Variants in PES1 observed in about 807,000 individuals in gnomAD.
The protein encoded by PES1 is pescadillo ribosomal biogenesis factor 1.
Under a neutral mutation model 77.1 loss-of-function variants are expected in PES1, and 31 were observed. That is an observed-to-expected ratio of 0.40 (90% CI 0.30 to 0.54). The LOEUF is 0.54. Ranked by LOEUF, PES1 falls within the 20% of genes least tolerant of loss-of-function variation. The pLI, the probability that PES1 is intolerant of heterozygous loss-of-function variation, is 0.45. For synonymous variants in PES1, 282 were observed against 303.0 expected, an observed-to-expected ratio of 0.93 and a Z score of 0.72; for missense variants, 658 against 771.7, an observed-to-expected ratio of 0.85 and a Z score of 1.75.
At chr22:30,579,668 C>T (rs1254676930) in intron 12 of PES1, 83 bp downstream of exon 12, 22 of 1,383,982 alleles carry the variant, frequency 1.6e-5, no homozygotes, top group Non-Finnish European at 2.0e-5. Context: ...TGCCTGTTCC[C>T]TGGAGCTTTC....
rs1460431200 is a variant in PES1, at chr22:30,577,032, G to A, written c.*14C>T. The stretch of plus-strand genomic sequence containing the variant: ...CTAGGGGCTGGCCTCAGCCCTGTGA[G>A]GGGCCGCAGGCACTCACTCCGGCCT... On this transcript the variant is annotated 3_prime_UTR_variant, in exon 15 of 15. Transcript: ENST00000354694. The A allele has an allele frequency of 6.2e-7, 1 of 1,609,192 alleles. No individual in the cohort carries two copies. The highest frequency in any genetic ancestry group is 1.1e-5 in the South Asian group (1 of 90,998).
chr22:30,603,485 A>G (rs376773847), intron 2 of PES1, among the ~76,000 whole-genome samples: 1 of 151,950 alleles, frequency 6.6e-6, no homozygotes, highest in African/African-American at 2.4e-5. Context: ...AGGTTCAAGC[A>G]ATTCTCCCGC....
intron 1 of PES1, 46 bp downstream of exon 1, chr22:30,591,764 C>T (rs774027620): frequency 1.8e-5 from 28 of 1,547,044 alleles, no homozygotes; most frequent in Middle Eastern, 1.7e-4. Context: ...GCTCTGCCGC[C>T]CCCGCACCCC....
chr22:30,589,358 A>G, intron 1 of PES1, 88 bp from the exon 2 acceptor site: 2 of 1,072,680 alleles, frequency 1.9e-6, no homozygotes, highest in Non-Finnish European at 2.8e-6. Context: ...AGAGGCAACT[A>G]TCACTCTGGA....
At chr22:30,578,528 C>T (rs1038252961) in intron 14 of PES1, among the ~76,000 whole-genome samples, 1 of 152,196 alleles carries the variant, frequency 6.6e-6, no homozygotes, top group Non-Finnish European at 1.5e-5. Flanking sequence ...CTCCCCCCCG[C>T]CACCCCCGCC....
intron 2 of PES1, among the ~76,000 whole-genome samples, chr22:30,598,008 C>T (rs986787654): frequency 7.9e-5 from 12 of 151,116 alleles, no homozygotes; most frequent in African/African-American, 1.5e-4. Flanking sequence ...CTCAGCCTCC[C>T]AAGTAGCTGG....
Position 30,578,887 on chromosome 22 carries a change from T to C in PES1, c.1633A>G (p.Lys545Glu), listed in dbSNP as rs1406261915. ...LAIMMMKKRE[K>E]YLYQKIMFGK... ...AACATGATCTTCTGGTACAGGTACT[T>C]CTCCCGCTTCTTCATCATCATAATG... Residue 545 changes from lysine to glutamate, a missense_variant, in exon 14 of 15, where the codon AAG (lysine) becomes GAG (glutamate). Lys to Glu is a moderately conservative substitution (Grantham distance 56, BLOSUM62 1). Transcript: ENST00000354694. The C allele has an allele frequency of 6.2e-7, 1 of 1,612,924 alleles. No individual in the cohort carries two copies. Among genetic ancestry groups the C allele is most frequent in the Non-Finnish European group, 8.5e-7 (1 of 1,180,010 alleles).
intron 1 of PES1, among the ~76,000 whole-genome samples, chr22:30,590,264 G>A (rs981474168): frequency 5.3e-5 from 8 of 152,060 alleles, no homozygotes; most frequent in African/African-American, 1.5e-4. Context: ...TGTATCCCTC[G>A]ATAGAGACAA....
chr22:30,581,761 GAAGGCTCTGCCCTT>G (rs1371108023), intron 6 of PES1, 117 bp from the exon 7 acceptor site: 13 of 733,754 alleles, frequency 1.8e-5, no homozygotes, highest in South Asian at 9.5e-5. Context: ...AGCTCCTCAA[GAAGGCTCTGCCCTT>G]AAGGCGCTGC....
rs1310907661 is a variant in PES1, at chr22:30,588,072, G to A, written c.207C>T (p.Asp69=). Residue 69 remains aspartate (D), a synonymous_variant, in exon 3 of 15, where the codon GAC becomes GAT. Transcript: ENST00000354694. ...TGGGTTCGTGGAGGAGAAACCTGAT[G>A]TCTTTGATAAGGTAAAACGTTCGGG... is the stretch of plus-strand genomic sequence containing the variant. The part of the protein sequence containing the change: ...TAARTFYLIK[D]IRFLLHEPIV... 1.2e-6 allele frequency: 2 copies of A among 1,614,186 alleles called. No individual in the cohort carries two copies. Among genetic ancestry groups the A allele is most frequent in the African/African-American group, 1.3e-5 (1 of 75,046 alleles).
At chr22:30,579,704 C>T in intron 12 of PES1, 47 bp downstream of exon 12, 1 of 1,570,246 alleles carries the variant, frequency 6.4e-7, no homozygotes, top group Non-Finnish European at 8.7e-7. Flanking sequence ...GGGAAACAGC[C>T]AGCGTGGGCC....
At chr22:30,591,438 G>A (rs948502279) in intron 1 of PES1, among the ~76,000 whole-genome samples, 2 of 152,164 alleles carry the variant, frequency 1.3e-5, no homozygotes. Flanking sequence ...GCCTCGAAGA[G>A]AACTTCCAAG....
intron 2 of PES1, among the ~76,000 whole-genome samples, chr22:30,603,212 C>T (rs2087384899): frequency 2.0e-5 from 3 of 151,690 alleles, no homozygotes; most frequent in Admixed American, 2.0e-4. Context: ...CGCCCAGCCA[C>T]TTGAAAGTAA....
At chr22:30,590,847 CTG>C (rs2087164599) in intron 1 of PES1, among the ~76,000 whole-genome samples, 3 of 152,148 alleles carry the variant, frequency 2.0e-5, no homozygotes. Flanking sequence ...CTTTTAAAAA[CTG>C]TAACGATTTT....
chr22:30,606,417 G>GT (rs1474640605), intron 1 of PES1, among the ~76,000 whole-genome samples: 2 of 151,814 alleles, frequency 1.3e-5, no homozygotes, highest in Non-Finnish European at 2.9e-5. Flanking sequence ...TTTTGTATGT[G>GT]TTTTTTGTGT....
At position 30,581,437 on chromosome 22, in the gene PES1, A is replaced by G. The variant is rs776641029; in HGVS notation, c.748-29T>C. On this transcript the variant is annotated intron_variant, in intron 7 of 14. Transcript: ENST00000354694. ...GTAGGCAAAGGGAAGGTCAGGAGGC[A>G]GAGGACAGCCACAGCCCCTCGCCTC... 12 of 1,611,990 alleles carry G rather than the reference A, an allele frequency of 7.4e-6. No individual in the cohort carries two copies. In the East Asian group the frequency reaches 2.5e-4, roughly 33 times the overall value.
At chr22:30,603,839 G>T (rs531011997) in intron 2 of PES1, 2 of 152,044 alleles carry the variant, frequency 1.3e-5, no homozygotes, top group East Asian at 3.9e-4. Context: ...GCTAGTCCTC[G>T]CCAAGTCAGC....
chr22:30,603,792 A>G (rs1428084716), intron 2 of PES1: 3 of 152,188 alleles, frequency 2.0e-5, no homozygotes, highest in African/African-American at 7.2e-5. Flanking sequence ...ATCTTCATGC[A>G]TACAATTTTA....
At chr22:30,581,758 C>CAAGA (rs1481735965) in intron 6 of PES1, 114 bp from the exon 7 acceptor site, 9 of 739,404 alleles carry the variant, frequency 1.2e-5, no homozygotes, top group Non-Finnish European at 1.9e-5. Flanking sequence ...CCAAGCTCCT[C>CAAGA]AAGAAGGCTC....
Sources: allele counts gnomAD v4.1 joint callset (sites outside exome capture counted in the v4.1 genomes callset), GRCh38; gene constraint gnomAD v4.1.1; transcripts MANE v1.5; gene names NCBI Gene and HGNC (gene_info 2026-07-23, HGNC 2026-07-21).